Variants in TNC observed in about 807,000 individuals in gnomAD.
TNC encodes the protein tenascin.
TNC carries 109 observed loss-of-function variants against 202.4 expected under a neutral mutation model. That is an observed-to-expected ratio of 0.54 (90% confidence interval 0.46 to 0.63). The LOEUF (loss-of-function observed/expected upper bound fraction) is 0.63, where lower values mean the gene tolerates loss of function less well. TNC is among the 30% of genes least tolerant of loss of function. The pLI is 0.00. For missense variants in TNC, 2,756 were observed against 2,833.3 expected, an observed-to-expected ratio of 0.97 and a Z score of 0.62; for synonymous variants, 1,007 against 1,089.7, an observed-to-expected ratio of 0.92 and a Z score of 1.50.
At position 115,057,381 on chromosome 9, in the gene TNC, G is replaced by T; in HGVS notation, c.4351C>A (p.Pro1451Thr). 6.2e-7 allele frequency: 1 copy of T among 1,613,564 alleles called. No individual in the cohort carries two copies. The highest frequency in any genetic ancestry group is 1.1e-5 in the South Asian group (1 of 91,028). ...IGNLNVSDIT[P>T]ESFNLSWMAT... ...ATCCAGGAGAGATTGAAGCTCTCGG[G>T]AGTTATGTCAGAAACATTTAAGTTT... The change falls in exon 15 of 28, where the codon CCC becomes ACC. Residue 1451 changes from proline to threonine, a missense_variant. Physicochemically the swap from Pro to Thr is conservative, Grantham distance 38. Transcript: ENST00000350763.
At chr9:115,060,073 C>A in intron 13 of TNC, 71 bp from the exon 14 acceptor site, 2 of 1,435,404 alleles carry the variant, frequency 1.4e-6, no homozygotes, top group South Asian at 1.4e-5. Flanking sequence ...TCCCACAGCC[C>A]AACTCTAGGA....
intron 18 of TNC, 84 bp from the exon 19 acceptor site, chr9:115,041,168 T>C: frequency 6.9e-7 from 1 of 1,441,628 alleles, no homozygotes; most frequent in Non-Finnish European, 9.4e-7. Flanking sequence ...GTGTATCTGA[T>C]TTAGAAATGA....
chr9:115,076,138 C>T lies in TNC; in HGVS notation c.2861-17G>A, dbSNP rs74469537. On this transcript the variant is annotated splice_polypyrimidine_tract_variant and intron_variant, in intron 8 of 27. Transcript: ENST00000350763. ...GCCTCAGACCTAAGGAGAGAATGTG[C>T]AAGTTGAGATTCATCCTGAAATCAG... The T allele has an allele frequency of 1.9e-6, 3 of 1,609,288 alleles. No individual in the cohort carries two copies. Among genetic ancestry groups the T allele is most frequent in the Middle Eastern group, 1.7e-4 (1 of 6,054 alleles).
chr9:115,095,548 ATATATATGTATATATATGTATATATATG>A (rs1835645994), intron 1 of TNC, among the ~76,000 whole-genome samples: 2 of 1,636 alleles, frequency 1.2e-3, no homozygotes, highest in African/African-American at 3.6e-3. Flanking sequence ...ATATATATGT[ATATATATGTATATATATGTATATATATG>A]TATATATATG....
intron 2 of TNC, among the ~76,000 whole-genome samples, chr9:115,087,980 G>C (rs139984413): frequency 7.8e-4 from 119 of 152,286 alleles, no homozygotes; most frequent in African/African-American, 2.8e-3. Flanking sequence ...TGGGATTACA[G>C]GTGTGAGCCA....
chr9:115,062,877 G>T (rs1192353000), intron 13 of TNC, 40 bp downstream of exon 13: 3 of 1,586,658 alleles, frequency 1.9e-6, no homozygotes, highest in East Asian at 4.5e-5. Context: ...TGACATGCTG[G>T]CTCCTATCAT....
In TNC at chr9:115,073,635, T is replaced by G; in HGVS notation, c.3182A>C (p.Lys1061Thr). ...TGCCTTCACACGTGCGGGCTTGCTC[T>G]TGTGTCTGCCTTTCTCGGCTGTCAG... ...VLLTAEKGRH[K>T]SKPARVKAST... The change falls in exon 10 of 28, where the codon AAG becomes ACG. Residue 1061 changes from lysine (K) to threonine (T), a missense_variant. Physicochemically the swap from Lys to Thr is moderately conservative, Grantham distance 78. Around this residue, in one of 2 missense-constraint regions of TNC, gnomAD observed 2,559 missense variants for 2,546.0 expected, o/e 1.01. Transcript: ENST00000350763. 6.2e-7 allele frequency: 1 copy of G among 1,614,164 alleles called. No individual in the cohort carries two copies. The highest frequency in any genetic ancestry group is 8.5e-7 in the Non-Finnish European group (1 of 1,180,026).
chr9:115,076,656 G>C (rs985916258), intron 7 of TNC, 81 bp from the exon 8 acceptor site: 44 of 1,478,814 alleles, frequency 3.0e-5, no homozygotes, highest in Non-Finnish European at 3.8e-5. Context: ...GCTGACATAT[G>C]AAACGTGCCT....
At chr9:115,103,155 A>G (rs1489460914) in intron 1 of TNC, among the ~76,000 whole-genome samples, 1 of 152,200 alleles carries the variant, frequency 6.6e-6, no homozygotes, top group Non-Finnish European at 1.5e-5. Context: ...GCTCCTTCCC[A>G]TGAGATTCTA....
chr9:115,090,459 G>C, intron 2 of TNC, 103 bp downstream of exon 2: 1 of 929,376 alleles, frequency 1.1e-6, no homozygotes, highest in East Asian at 2.4e-5. Flanking sequence ...TGGGAAGCTA[G>C]TTTTCTAGTG....
At chr9:115,032,382 A>G (rs1588009511) in intron 22 of TNC, among the ~76,000 whole-genome samples, 1 of 152,190 alleles carries the variant, frequency 6.6e-6, no homozygotes, top group South Asian at 2.1e-4. Context: ...TTATCATCAC[A>G]AGAAATGGGG....
intron 15 of TNC, 127 bp from the exon 16 acceptor site, chr9:115,048,659 A>G (rs1345091132): frequency 5.1e-6 from 5 of 988,532 alleles, no homozygotes; most frequent in Non-Finnish European, 7.3e-6. Flanking sequence ...TGCTTAGAAA[A>G]TGAAAATTCA....
At chr9:115,031,161 G>C (rs1391888961) in intron 23 of TNC, among the ~76,000 whole-genome samples, 1 of 152,164 alleles carries the variant, frequency 6.6e-6, no homozygotes, top group African/African-American at 2.4e-5. Context: ...ACAATAAAAG[G>C]ACCACACAAT....
chr9:115,064,508 T>C (rs1832790164), intron 11 of TNC, 139 bp downstream of exon 11: 1 of 1,119,124 alleles, frequency 8.9e-7, no homozygotes, highest in African/African-American at 1.6e-5. Context: ...TGTAGCGTGA[T>C]GGCCTCGTGT....
In TNC at chr9:115,059,954, T is replaced by C; in HGVS notation, c.4082A>G (p.Asp1361Gly). 6.2e-7 allele frequency: 1 copy of C among 1,613,990 alleles called. No individual in the cohort carries two copies. The highest frequency in any genetic ancestry group is 1.6e-4 in the Middle Eastern group (1 of 6,062). The change falls in exon 14 of 28, where the codon GAT becomes GGT. Residue 1361 changes from aspartate to glycine, a missense_variant. Coordinates refer to ENST00000350763, the MANE Select transcript of TNC (RefSeq NM_002160.4). ...TGCGGTCCAGTTGAGTCTGAGGCCA[T>C]CCCAGCCAACCTCAGACACGGCTAA... ...GDLAVSEVGW[D>G]GLRLNWTAAD...
rs1424477371 is a variant in TNC, at chr9:115,076,452, C to G, written c.2798G>C (p.Gly933Ala). 1 of 1,614,020 alleles carries G rather than the reference C, an allele frequency of 6.2e-7. No individual in the cohort carries two copies. Among genetic ancestry groups the G allele is most frequent in the Non-Finnish European group, 8.5e-7 (1 of 1,180,044 alleles). ...TGGAACATCAACCTCAGCGTGGTCCCCTCCAGAGATGGGGGCATACTTAAT... is the reference window on the plus strand; with the variant it reads ...TGGAACATCAACCTCAGCGTGGTCCGCTCCAGAGATGGGGGCATACTTAAT... ...YRIKYAPISGGDHAEVDVPKS... is the reference protein window; with the variant it reads ...YRIKYAPISGADHAEVDVPKS... The change falls in exon 8 of 28, where the codon GGG (glycine) becomes GCG (alanine). Residue 933 changes from glycine to alanine, a missense_variant. By Grantham distance (60) the Gly-to-Ala change is moderately conservative. This residue lies in a region of TNC where 2,559 missense variants were observed against 2,546.0 expected (regional missense o/e 1.01). Coordinates refer to ENST00000350763, the MANE Select transcript of TNC (RefSeq NM_002160.4).
chr9:115,117,250 G>T (rs374018341), intron 1 of TNC, among the ~76,000 whole-genome samples: 1 of 152,156 alleles, frequency 6.6e-6, no homozygotes, highest in Admixed American at 6.5e-5. Flanking sequence ...ACCAGGGGCA[G>T]CAGGGTTCCC....
At position 115,055,159 on chromosome 9, in the gene TNC, G is replaced by A. The variant is rs182508958; in HGVS notation, c.4579+1994C>T. ...ACCACAGGCAGATGATAATGGGTGG[G>A]ATTGAAAAAGATTATTCAAGATCAG... is the stretch of plus-strand genomic sequence containing the variant. On this transcript the variant is annotated intron_variant, in intron 15 of 27. Transcript: ENST00000350763. 2.0e-5 allele frequency among the ~76,000 whole-genome samples: 3 copies of A among 152,238 alleles called. No individual in the cohort carries two copies. In the East Asian group the frequency reaches 5.8e-4, roughly 29 times the overall value.
intron 1 of TNC, among the ~76,000 whole-genome samples, chr9:115,111,712 A>G (rs1314261370): frequency 6.6e-6 from 1 of 151,722 alleles, no homozygotes; most frequent in African/African-American, 2.4e-5. Context: ...ATGCCCGGTA[A>G]CTCTCTTTCT....
Sources: allele counts gnomAD v4.1 joint callset (sites outside exome capture counted in the v4.1 genomes callset), GRCh38; gene constraint gnomAD v4.1.1; regional missense constraint gnomAD v4.1.1; transcripts MANE v1.5; gene names NCBI Gene and HGNC (gene_info 2026-07-23, HGNC 2026-07-21).